Variants in SNRNP35 observed in about 807,000 individuals in gnomAD.
SNRNP35 encodes small nuclear ribonucleoprotein U11/U12 subunit 35.
Under a neutral mutation model 24.3 loss-of-function variants are expected in SNRNP35, and 16 were observed. The ratio of observed to expected loss-of-function variants is 0.66; its 90% CI spans 0.45 to 1.00. SNRNP35 has a LOEUF of 1.00. Ranked by LOEUF, SNRNP35 falls within the 50% of genes least tolerant of loss-of-function variation. The probability of loss-of-function intolerance (pLI) is 0.00; values close to 1 mark genes in which losing one functional copy is unlikely to be tolerated. For missense variants in SNRNP35, 292 were observed against 327.2 expected (o/e 0.89, Z 0.83); for synonymous variants, 106 against 124.8 (o/e 0.85, Z 1.00).
At position 123,465,671 on chromosome 12, in the gene SNRNP35, G is replaced by T; in HGVS notation, c.131G>T (p.Gly44Val). The T allele has an allele frequency of 6.2e-7, 1 of 1,613,976 alleles. No homozygotes were observed. The highest frequency in any genetic ancestry group is 8.5e-7 in the Non-Finnish European group (1 of 1,179,966). Reference sequence around the variant, plus strand: ...CTGGCACGATATGTCCCCAACAAAGGTGTCATAGGAGATCCCCTCCTCACC... The same window carrying T: ...CTGGCACGATATGTCCCCAACAAAGTTGTCATAGGAGATCCCCTCCTCACC... ...AMLARYVPNK[G>V]VIGDPLLTLF... The change falls in exon 2 of 2, where the codon GGT becomes GTT. Residue 44 changes from glycine (G) to valine (V), a missense_variant. Physicochemically the swap from Gly to Val is moderately radical, Grantham distance 109. Coordinates refer to ENST00000526639, the MANE Select transcript of SNRNP35 (RefSeq NM_022717.4). The surrounding 1 kb of genome is among the most constrained non-coding windows in gnomAD (Gnocchi z 4.2).
At chr12:123,467,045 ATG>A, downstream of SNRNP35, 3 of 152,262 alleles carry the variant, frequency 2.0e-5, no homozygotes, top group Non-Finnish European at 4.4e-5. Flanking sequence ...AAAAGAGGTT[ATG>A]ACCTAATCAC....
At chr12:123,469,412 C>G (rs1881090874), downstream of SNRNP35, among the ~76,000 whole-genome samples, 1 of 152,144 alleles carries the variant, frequency 6.6e-6, no homozygotes, top group African/African-American at 2.4e-5. Context: ...CTCAGCCTCC[C>G]AAAGTGCTGG....
intron 1 of SNRNP35, among the ~76,000 whole-genome samples, chr12:123,461,209 G>A (rs1400852131): frequency 6.6e-6 from 1 of 150,608 alleles, no homozygotes; most frequent in Non-Finnish European, 1.5e-5. Context: ...TCTGCCTCCC[G>A]GGTTCACGCC....
chr12:123,463,930 ATTTTTTTTTT>A (rs35927970), intron 1 of SNRNP35, among the ~76,000 whole-genome samples: 4 of 110,522 alleles, frequency 3.6e-5, no homozygotes, highest in Middle Eastern at 0.01. Context: ...CGCCTGGCTA[ATTTTTTTTTT>A]TTTTTTTTTG....
At position 123,465,804 on chromosome 12, in the gene SNRNP35, A is replaced by G; in HGVS notation, c.264A>G (p.Thr88=). ...TTCGGCTGGTCAGGGACTTGGTCACAGGTTTTTCAAAGGGCTACGCCTTCA... is the reference window on the plus strand; with the variant it reads ...TTCGGCTGGTCAGGGACTTGGTCACGGGTTTTTCAAAGGGCTACGCCTTCA... ...RRLRLVRDLV[T]GFSKGYAFIE... The change falls in exon 2 of 2, where the codon ACA becomes ACG. Residue 88 remains threonine, a synonymous_variant. Transcript: ENST00000526639. The surrounding 1 kb of genome is among the most constrained non-coding windows in gnomAD (Gnocchi z 4.2). 1 of 1,614,138 alleles carries G rather than the reference A, an allele frequency of 6.2e-7. No individual in the cohort carries two copies. The highest frequency in any genetic ancestry group is 8.5e-7 in the Non-Finnish European group (1 of 1,180,028).
rs757132344 is a variant in SNRNP35 at position 123,465,950 on chromosome 12, C to T, written c.410C>T (p.Pro137Leu). 1 of 1,613,914 alleles carries T rather than the reference C, an allele frequency of 6.2e-7. No individual in the cohort carries two copies. Among genetic ancestry groups the T allele is most frequent in the Non-Finnish European group, 8.5e-7 (1 of 1,179,994 alleles). The part of the protein sequence containing the change: ...ELERTLKGWI[P>L]RRLGGGLGGK... ...GAAAGGACTCTCAAAGGGTGGATCCCTCGGCGACTTGGAGGCGGTCTTGGG... is the reference window on the plus strand; with the variant it reads ...GAAAGGACTCTCAAAGGGTGGATCCTTCGGCGACTTGGAGGCGGTCTTGGG... Residue 137 changes from proline (P) to leucine (L), a missense_variant, in exon 2 of 2, where the codon CCT (proline) becomes CTT (leucine). Coordinates refer to ENST00000526639, the MANE Select transcript of SNRNP35 (RefSeq NM_022717.4). The surrounding 1 kb of genome is among the most constrained non-coding windows in gnomAD (Gnocchi z 4.2).
chr12:123,459,800 G>C (rs1232128128), intron 1 of SNRNP35: 2 of 1,544,740 alleles, frequency 1.3e-6, no homozygotes, highest in Non-Finnish European at 8.8e-7. Flanking sequence ...TAAAAAAAGA[G>C]AATGTAAAAA....
chr12:123,463,849 C>T (rs894926196), intron 1 of SNRNP35, among the ~76,000 whole-genome samples: 28 of 149,620 alleles, frequency 1.9e-4, no homozygotes, highest in Non-Finnish European at 4.0e-4. Context: ...ACTGCAACCT[C>T]GCCTCCTGGG....
At chr12:123,468,790 C>G (rs529106092), downstream of SNRNP35, among the ~76,000 whole-genome samples, 2 of 152,344 alleles carry the variant, frequency 1.3e-5, no homozygotes, top group South Asian at 4.1e-4. Flanking sequence ...AACAATGGTA[C>G]AGCCTCCATG....
At chr12:123,459,657 G>A (rs182027949) in intron 1 of SNRNP35, 6 of 533,664 alleles carry the variant, frequency 1.1e-5, no homozygotes, top group African/African-American at 1.9e-5. Flanking sequence ...GCGTGGTGGT[G>A]TGTGTCTGTA....
downstream of SNRNP35, chr12:123,470,836 T>C (rs568892757): frequency 1.8e-4 from 27 of 152,244 alleles, no homozygotes; most frequent in African/African-American, 6.5e-4. Flanking sequence ...ACTGGCAATT[T>C]TGGTTACCTG....
intron 1 of SNRNP35, among the ~76,000 whole-genome samples, chr12:123,460,428 A>G (rs568412911): frequency 6.6e-6 from 1 of 151,896 alleles, no homozygotes; most frequent in East Asian, 1.9e-4. Flanking sequence ...CAATAATAAT[A>G]TAGTACCTAA....
chr12:123,462,231 C>T (rs559821258), intron 1 of SNRNP35, among the ~76,000 whole-genome samples: 37 of 152,196 alleles, frequency 2.4e-4, no homozygotes, highest in African/African-American at 7.9e-4. Flanking sequence ...GTAGAATTTC[C>T]GCAAGTGGAT....
chr12:123,468,095 A>T (rs1300149554), downstream of SNRNP35, among the ~76,000 whole-genome samples: 2 of 152,044 alleles, frequency 1.3e-5, no homozygotes, highest in African/African-American at 4.8e-5. Context: ...CACGGTGCTC[A>T]CGGCTGTGAT....
Position 123,466,245 on chromosome 12 carries a change from G to T in SNRNP35, c.705G>T (p.Arg235Ser). ...WERERDFRDD[R>S]IKGREKKERG... ...GAGAGAGGGACTTCAGAGATGACAG[G>T]ATCAAGGGGAGGGAGAAGAAGGAAA... Residue 235 changes from arginine (R) to serine (S), a missense_variant, in exon 2 of 2, where the codon AGG (arginine) becomes AGT (serine). Arg to Ser is a moderately radical substitution (Grantham distance 110). Transcript: ENST00000526639. The T allele has an allele frequency of 6.5e-7, 1 of 1,529,912 alleles. No homozygotes were observed. The highest frequency in any genetic ancestry group is 8.8e-7 in the Non-Finnish European group (1 of 1,141,634). 94.8% of individuals were successfully genotyped at this position (1,529,912 alleles called of 1,614,324 possible). A position where few individuals can be genotyped will look rare whatever the true frequency, so the allele number is the denominator to read the frequency against.
At chr12:123,471,747 G>A (rs892339031), downstream of SNRNP35, 1 of 152,464 alleles carries the variant, frequency 6.6e-6, no homozygotes, top group Non-Finnish European at 1.5e-5. Flanking sequence ...AGGGGACTAA[G>A]TATATGACTT....
chr12:123,461,542 G>C (rs1880633208), intron 1 of SNRNP35, among the ~76,000 whole-genome samples: 1 of 151,946 alleles, frequency 6.6e-6, no homozygotes, highest in East Asian at 1.9e-4. Context: ...TGCTCCTTCT[G>C]TCACTCCATC....
At chr12:123,472,297 C>A in exon 2 of SNRNP35, 1 of 480,208 alleles carries the variant, frequency 2.1e-6, no homozygotes, top group Non-Finnish European at 3.7e-6. Context: ...AAATATATAT[C>A]CTACGGGATC....
chr12:123,472,726 G>C (rs769904325), exon 2 of SNRNP35: 1 of 1,573,704 alleles, frequency 6.4e-7, no homozygotes, highest in African/African-American at 1.3e-5. Context: ...CTGACCCTTT[G>C]CTGTGCAAGT....
Sources: gnomAD v4.1 joint callset for allele counts (sites outside exome capture counted in the v4.1 genomes callset) on GRCh38, gnomAD v4.1.1 for gene constraint, Gnocchi (gnomAD v3.1) non-coding constraint, MANE v1.5 for transcripts, NCBI Gene and HGNC (gene_info 2026-07-23, HGNC 2026-07-21) for gene names.